Variants in DUS2 observed in about 807,000 individuals in gnomAD.
The protein encoded by DUS2 is tRNA-dihydrouridine(20) synthase [NAD(P)+]-like.
DUS2 carries 52 observed loss-of-function variants against 71.3 expected under a neutral mutation model. The ratio of observed to expected loss-of-function variants is 0.73; its 90% confidence interval spans 0.58 to 0.92. The LOEUF (loss-of-function observed/expected upper bound fraction) is 0.92, where lower values mean the gene tolerates loss of function less well. Ranked by LOEUF, DUS2 falls within the 40% of genes least tolerant of loss-of-function variation. The probability of loss-of-function intolerance (pLI) is 0.00; values close to 1 mark genes in which losing one functional copy is unlikely to be tolerated. For missense variants in DUS2, 558 were observed against 622.6 expected (o/e 0.90, Z 1.10); for synonymous variants, 204 against 227.8 (o/e 0.90, Z 0.94).
At chr16:68,054,299 G>A (rs1377969068) in intron 5 of DUS2, among the ~76,000 whole-genome samples, 1 of 152,184 alleles carries the variant, frequency 6.6e-6, no homozygotes, top group Non-Finnish European at 1.5e-5. Context: ...AATCTAAATG[G>A]TGAGTGTTTG....
chr16:68,067,014 TTTCCTTCCCTCCCTCCCTCCCTCCCTTCC>T (rs2034015093), intron 10 of DUS2, among the ~76,000 whole-genome samples: 1 of 143,706 alleles, frequency 7.0e-6, no homozygotes, highest in Non-Finnish European at 1.5e-5. Context: ...ATCTCATTTA[TTTCCTTCCCTCCCTCCCTCCCTCCCTTCC>T]TTCCTTCCCT....
In DUS2 at chr16:68,074,078, G is replaced by A; in HGVS notation, c.855G>A (p.Leu285=). 1.2e-6 allele frequency: 2 copies of A among 1,614,204 alleles called. No individual in the cohort carries two copies. Among genetic ancestry groups the A allele is most frequent in the Non-Finnish European group, 1.7e-6 (2 of 1,180,024 alleles). The change falls in exon 13 of 17, where the codon TTG becomes TTA. Residue 285 remains leucine, a synonymous_variant. Coordinates refer to ENST00000565263, the MANE Select transcript of DUS2 (RefSeq NM_017803.5). ...DNHYTNTKYC[L]CQMLREQLES... ...ACTACACCAACACCAAGTACTGCTT[G>A]TGCCAGATGCTACGAGAACAGCTGG...
intron 3 of DUS2, among the ~76,000 whole-genome samples, chr16:68,039,611 C>T (rs1398961795): frequency 2.0e-5 from 3 of 151,928 alleles, no homozygotes; most frequent in African/African-American, 4.8e-5. Flanking sequence ...TTAGTAGAGA[C>T]GGGGTTTCAC....
chr16:68,063,713 A>T (rs1353901568), intron 8 of DUS2, among the ~76,000 whole-genome samples: 3 of 151,778 alleles, frequency 2.0e-5, no homozygotes, highest in Admixed American at 1.3e-4. Flanking sequence ...GTTTTATTTT[A>T]TTTTTTTAAA....
chr16:68,025,817 C>T (rs1345447630), intron 2 of DUS2, among the ~76,000 whole-genome samples: 1 of 152,120 alleles, frequency 6.6e-6, no homozygotes, highest in East Asian at 1.9e-4. Flanking sequence ...ATCTAAGCTC[C>T]TGAGATCAGG....
Position 68,078,998 on chromosome 16 carries a change from G to A in DUS2, c.*12G>A, listed in dbSNP as rs1421453990. On this transcript the variant is annotated 3_prime_UTR_variant, in exon 17 of 17. Transcript: ENST00000565263. ...TGGAAGGCTGGTGACTACTCTTCCT[G>A]CCTTAGTCACCCCTCCATGGGCCTG... 3.9e-6 allele frequency: 6 copies of A among 1,539,954 alleles called. No homozygotes were observed. Among genetic ancestry groups the A allele is most frequent in the Middle Eastern group, 1.7e-4 (1 of 5,720 alleles).
At chr16:68,076,242 C>T (rs941900583) in intron 14 of DUS2, among the ~76,000 whole-genome samples, 6 of 152,168 alleles carry the variant, frequency 3.9e-5, no homozygotes, top group Admixed American at 3.3e-4. Flanking sequence ...GGGCGCTGAG[C>T]TAGATCCCCG....
intron 4 of DUS2, among the ~76,000 whole-genome samples, chr16:68,052,337 T>A (rs1005815576): frequency 1.3e-5 from 2 of 152,184 alleles, no homozygotes; most frequent in African/African-American, 4.8e-5. Flanking sequence ...GAGCATCACC[T>A]TGTTTGACCT....
At chr16:68,065,377 C>CTTT (rs111782057) in intron 8 of DUS2, among the ~76,000 whole-genome samples, 1 of 140,468 alleles carries the variant, frequency 7.1e-6, no homozygotes, top group Non-Finnish European at 1.6e-5. Context: ...TGCCCCCCCG[C>CTTT]TTTTTTTTTT....
intron 6 of DUS2, among the ~76,000 whole-genome samples, 185 bp downstream of exon 6, chr16:68,054,802 T>C (rs1325136657): frequency 1.3e-5 from 2 of 152,120 alleles, no homozygotes; most frequent in Non-Finnish European, 2.9e-5. Flanking sequence ...CCCAGCATTT[T>C]GGGAGGCTGA....
At chr16:68,057,756 C>T (rs1482338634) in intron 7 of DUS2, among the ~76,000 whole-genome samples, 1 of 151,696 alleles carries the variant, frequency 6.6e-6, no homozygotes, top group Non-Finnish European at 1.5e-5. Context: ...TGGTGTGTGC[C>T]TGTAATCCCA....
chr16:68,071,183 G>A, intron 12 of DUS2, 75 bp downstream of exon 12: 2 of 1,509,060 alleles, frequency 1.3e-6, no homozygotes, highest in Non-Finnish European at 9.1e-7. Context: ...CTTTGTGTGA[G>A]CCCCCAGCTG....
Position 68,076,729 on chromosome 16 carries a change from T to A in DUS2, c.1170+10T>A, listed in dbSNP as rs1243449007. The A allele has an allele frequency of 1.2e-6, 2 of 1,612,034 alleles. No homozygotes were observed. The highest frequency in any genetic ancestry group is 2.7e-5 in the African/African-American group (2 of 74,910). ...GCCTGTGTATGAAACGGTGAGTTCCTGGCTGTGGCCTGCCCTGCAGCCAGT... is the reference window on the plus strand; with the variant it reads ...GCCTGTGTATGAAACGGTGAGTTCCAGGCTGTGGCCTGCCCTGCAGCCAGT... On this transcript the variant is annotated intron_variant, in intron 15 of 16. Transcript: ENST00000565263.
chr16:68,039,947 G>A (rs923302213), intron 3 of DUS2, among the ~76,000 whole-genome samples: 2 of 152,168 alleles, frequency 1.3e-5, no homozygotes, highest in Admixed American at 1.3e-4. Context: ...GAAGCAGGGT[G>A]AAGGGAGTTG....
intron 3 of DUS2, among the ~76,000 whole-genome samples, chr16:68,039,991 G>A (rs1253329910): frequency 6.6e-6 from 1 of 152,124 alleles, no homozygotes. Context: ...TAGTATAAGA[G>A]GAAGGAAGGC....
intron 5 of DUS2, 175 bp downstream of exon 5, chr16:68,053,830 T>A: frequency 1.6e-6 from 1 of 608,298 alleles, no homozygotes; most frequent in Non-Finnish European, 2.9e-6. Context: ...ATTATACTAT[T>A]GGAGACAGTT....
chr16:68,031,758 G>C (rs939622200), intron 2 of DUS2, among the ~76,000 whole-genome samples: 1 of 151,892 alleles, frequency 6.6e-6, no homozygotes, highest in Admixed American at 6.6e-5. Flanking sequence ...GCAGTGGTGC[G>C]ATCTTGGCTA....
intron 3 of DUS2, among the ~76,000 whole-genome samples, chr16:68,043,454 G>T (rs942191148): frequency 6.6e-6 from 1 of 151,252 alleles, no homozygotes; most frequent in African/African-American, 2.4e-5. Context: ...GTGAGCCACC[G>T]TGCCTGGCTC....
intron 2 of DUS2, among the ~76,000 whole-genome samples, chr16:68,031,212 G>A (rs1298994378): frequency 3.9e-5 from 6 of 152,100 alleles, no homozygotes; most frequent in African/African-American, 1.4e-4. Context: ...TCTGTCACCA[G>A]GCTGGAATGC....
Sources: allele counts gnomAD v4.1 joint callset (sites outside exome capture counted in the v4.1 genomes callset), GRCh38; gene constraint gnomAD v4.1.1; transcripts MANE v1.5; gene names NCBI Gene and HGNC (gene_info 2026-07-23, HGNC 2026-07-21).